SORCS3: variants seen among roughly 807,000 people sequenced by gnomAD.
The protein encoded by SORCS3 is sortilin related VPS10 domain containing receptor 3.
SORCS3 carries 57 observed loss-of-function variants against 146.3 expected under a neutral mutation model. The ratio of observed to expected loss-of-function variants is 0.39; its 90% CI spans 0.31 to 0.49. The LOEUF (loss-of-function observed/expected upper bound fraction) is 0.49, where lower values mean the gene tolerates loss of function less well. SORCS3 is among the 20% of genes least tolerant of loss of function. The pLI is 0.92. For synonymous variants in SORCS3, 653 were observed against 618.5 expected (o/e 1.06, Z -0.83); for missense variants, 1,341 against 1,575.5 (o/e 0.85, Z 2.52).
At chr10:104,732,751 G>C (rs570072176) in intron 1 of SORCS3, among the ~76,000 whole-genome samples, 4 of 152,336 alleles carry the variant, frequency 2.6e-5, no homozygotes, top group African/African-American at 7.2e-5. Context: ...GCAGGGATGG[G>C]AAAGGGGTCT....
intron 14 of SORCS3, among the ~76,000 whole-genome samples, chr10:105,181,587 G>C (rs2056443305): frequency 6.6e-6 from 1 of 152,176 alleles, no homozygotes; most frequent in Non-Finnish European, 1.5e-5. Flanking sequence ...ATTTACATGG[G>C]AGACAGTCCC....
intron 20 of SORCS3, among the ~76,000 whole-genome samples, chr10:105,233,427 T>C (rs1037603411): frequency 2.0e-5 from 3 of 152,202 alleles, no homozygotes; most frequent in African/African-American, 7.2e-5. Flanking sequence ...TTAATTATAC[T>C]TTAAGTTCTG....
chr10:104,887,035 C>T (rs961373296), intron 2 of SORCS3, among the ~76,000 whole-genome samples: 1 of 152,122 alleles, frequency 6.6e-6, no homozygotes, highest in Non-Finnish European at 1.5e-5. Flanking sequence ...GAATATCTTG[C>T]TAAAGTATAG....
intron 9 of SORCS3, among the ~76,000 whole-genome samples, chr10:105,148,538 A>G (rs982745344): frequency 1.3e-5 from 2 of 152,126 alleles, no homozygotes; most frequent in Non-Finnish European, 2.9e-5. Context: ...TTGACTGACC[A>G]CCTGGATATG....
intron 7 of SORCS3, among the ~76,000 whole-genome samples, chr10:105,109,944 C>T (rs1409524513): frequency 6.6e-6 from 1 of 151,240 alleles, no homozygotes; most frequent in Non-Finnish European, 1.5e-5. Flanking sequence ...TCGGGAGTTT[C>T]TGTGGCATAT....
chr10:105,170,463 C>T (rs2056349871), intron 13 of SORCS3, among the ~76,000 whole-genome samples: 1 of 151,762 alleles, frequency 6.6e-6, no homozygotes, highest in South Asian at 2.1e-4. Context: ...CTTATAATAA[C>T]AATGATAATA....
At chr10:104,677,997 G>A (rs1564656986) in intron 1 of SORCS3, among the ~76,000 whole-genome samples, 1 of 152,208 alleles carries the variant, frequency 6.6e-6, no homozygotes, top group African/African-American at 2.4e-5. Flanking sequence ...TAAAGCAGGA[G>A]GCACACCCAC....
At position 105,255,765 on chromosome 10, in the gene SORCS3, G is replaced by A. The variant is rs563904095; in HGVS notation, c.3301G>A (p.Val1101Ile). ...GGTCCAGTTTGAGCTGAAGCCGGGG[G>A]TACAAGTCATTGTGTATGTCACACA... ...NLVQFELKPGVQVIVYVTQLT... is the reference protein window; with the variant it reads ...NLVQFELKPGIQVIVYVTQLT... The change falls in exon 24 of 27, where the codon GTA (valine) becomes ATA (isoleucine). Residue 1101 changes from valine (V) to isoleucine (I), a missense_variant. Physicochemically the swap from Val to Ile is conservative, Grantham distance 29 (BLOSUM62 3). Transcript: ENST00000369701. 2.5e-6 allele frequency: 4 copies of A among 1,613,828 alleles called. No individual in the cohort carries two copies. Among genetic ancestry groups the A allele is most frequent in the East Asian group, 2.2e-5 (1 of 44,856 alleles).
intron 3 of SORCS3, among the ~76,000 whole-genome samples, chr10:104,961,917 A>G (rs2054798274): frequency 6.6e-6 from 1 of 152,218 alleles, no homozygotes; most frequent in Non-Finnish European, 1.5e-5. Flanking sequence ...AAAGAAGACC[A>G]GAGAACATTG....
At chr10:105,030,560 G>T (rs1315531212) in intron 4 of SORCS3, among the ~76,000 whole-genome samples, 1 of 151,048 alleles carries the variant, frequency 6.6e-6, no homozygotes, top group East Asian at 1.9e-4. Flanking sequence ...GGTGAGGAAA[G>T]AAATCCTAGC....
chr10:104,796,802 C>A (rs2017562007), intron 1 of SORCS3, among the ~76,000 whole-genome samples: 1 of 152,154 alleles, frequency 6.6e-6, no homozygotes, highest in South Asian at 2.1e-4. Context: ...AGTTCTGGGG[C>A]AGAGGCAGAC....
At chr10:105,240,810 C>G (rs1045186433) in intron 20 of SORCS3, among the ~76,000 whole-genome samples, 22 of 152,120 alleles carry the variant, frequency 1.4e-4, no homozygotes, top group African/African-American at 5.1e-4. Flanking sequence ...CCCAGTCCCC[C>G]TTCTCAGTCA....
chr10:105,150,597 G>A (rs1420615382), intron 9 of SORCS3, among the ~76,000 whole-genome samples: 1 of 152,160 alleles, frequency 6.6e-6, no homozygotes, highest in Non-Finnish European at 1.5e-5. Flanking sequence ...TTGTGAGAAA[G>A]TAAGCTAGCC....
At chr10:104,864,670 A>G (rs974544879) in intron 2 of SORCS3, among the ~76,000 whole-genome samples, 5 of 152,204 alleles carry the variant, frequency 3.3e-5, no homozygotes, top group Non-Finnish European at 7.3e-5. Flanking sequence ...ATTAAACACA[A>G]TTTAACACTA....
chr10:104,888,747 T>G (rs552780529), intron 2 of SORCS3, among the ~76,000 whole-genome samples: 1 of 152,258 alleles, frequency 6.6e-6, no homozygotes, highest in African/African-American at 2.4e-5. Context: ...GTCAGGAGGA[T>G]CCATGTTATA....
At chr10:105,095,015 C>T (rs748501200) in intron 6 of SORCS3, among the ~76,000 whole-genome samples, 1 of 152,148 alleles carries the variant, frequency 6.6e-6, no homozygotes, top group African/African-American at 2.4e-5. Context: ...AATGATAAAG[C>T]TTCATGAAGC....
chr10:104,778,796 A>T (rs2017341057), intron 1 of SORCS3, among the ~76,000 whole-genome samples: 1 of 152,180 alleles, frequency 6.6e-6, no homozygotes, highest in African/African-American at 2.4e-5. Context: ...TGAGTAATGC[A>T]CATCTCCAGG....
chr10:104,999,778 G>A (rs904756433), intron 4 of SORCS3, among the ~76,000 whole-genome samples: 1 of 152,078 alleles, frequency 6.6e-6, no homozygotes, highest in Non-Finnish European at 1.5e-5. Context: ...GGATCATCGT[G>A]GTCCAGCCCA....
intron 1 of SORCS3, among the ~76,000 whole-genome samples, chr10:104,677,343 C>A (rs1174714389): frequency 2.0e-5 from 3 of 152,182 alleles, no homozygotes; most frequent in African/African-American, 7.2e-5. Context: ...ATTTGGTTTT[C>A]TAGCCTTGTC....
Sources: allele counts gnomAD v4.1 joint callset (sites outside exome capture counted in the v4.1 genomes callset), GRCh38; gene constraint gnomAD v4.1.1; transcripts MANE v1.5; gene names NCBI Gene and HGNC (gene_info 2026-07-23, HGNC 2026-07-21).